GPC6: variants seen among roughly 807,000 people sequenced by gnomAD.
GPC6 encodes the protein glypican-6.
In GPC6, 14 loss-of-function variants were observed where a neutral mutation model predicts 55.2. The observed-to-expected ratio is 0.25, with a 90% CI of 0.17 to 0.40. The LOEUF is 0.40. GPC6 is among the 10% of genes least tolerant of loss of function. The pLI is 1.00. For synonymous variants in GPC6, 278 were observed against 259.6 expected, an observed-to-expected ratio of 1.07 and a Z score of -0.68; for missense variants, 641 against 708.5, an observed-to-expected ratio of 0.90 and a Z score of 1.08.
intron 4 of GPC6, among the ~76,000 whole-genome samples, chr13:94,053,437 G>A (rs778383805): frequency 2.0e-5 from 3 of 152,138 alleles, no homozygotes; most frequent in Non-Finnish European, 4.4e-5. Context: ...CCCAAAGGTA[G>A]TAATTGTTAA....
At chr13:93,560,328 C>G (rs1482531728) in intron 2 of GPC6, among the ~76,000 whole-genome samples, 2 of 138,834 alleles carry the variant, frequency 1.4e-5, no homozygotes, top group Non-Finnish European at 3.1e-5. Flanking sequence ...AACAACACAG[C>G]GAAACAGTAT....
chr13:93,829,471 A>T (rs920580972), intron 2 of GPC6, among the ~76,000 whole-genome samples: 6 of 152,182 alleles, frequency 3.9e-5, no homozygotes, highest in African/African-American at 1.4e-4. Flanking sequence ...AGAAAGTCCA[A>T]TTGTCAATAT....
chr13:94,255,917 C>G (rs1438729054), intron 4 of GPC6, among the ~76,000 whole-genome samples: 1 of 152,076 alleles, frequency 6.6e-6, no homozygotes, highest in Non-Finnish European at 1.5e-5. Context: ...AAGTGTGATC[C>G]CTGGACTGGC....
chr13:93,557,224 G>A (rs1457380959), intron 2 of GPC6, among the ~76,000 whole-genome samples: 1 of 151,932 alleles, frequency 6.6e-6, no homozygotes, highest in Non-Finnish European at 1.5e-5. Context: ...TGAGCATGAG[G>A]GAATTTCCTA....
chr13:94,061,364 G>C (rs1391746017), intron 4 of GPC6, among the ~76,000 whole-genome samples: 3 of 152,112 alleles, frequency 2.0e-5, no homozygotes, highest in Admixed American at 1.3e-4. Context: ...AACAAGACAA[G>C]AAAGCAGTTT....
At chr13:94,067,608 TA>T (rs1884571062) in intron 4 of GPC6, among the ~76,000 whole-genome samples, 2 of 151,402 alleles carry the variant, frequency 1.3e-5, no homozygotes, top group Non-Finnish European at 2.9e-5. Context: ...GATAGATAGA[TA>T]GATAGATAGA....
chr13:93,525,744 C>T (rs1055610821), intron 1 of GPC6, among the ~76,000 whole-genome samples: 1 of 152,060 alleles, frequency 6.6e-6, no homozygotes, highest in African/African-American at 2.4e-5. Context: ...CTAAGTTTCT[C>T]AGATGGTTAA....
chr13:93,839,288 C>T (rs57002007), intron 3 of GPC6, among the ~76,000 whole-genome samples: 5,246 of 152,144 alleles, frequency 0.034, 270 homozygotes, highest in East Asian at 0.17. Flanking sequence ...TAGGCTGTTA[C>T]TGTTTTGCCA....
At chr13:93,302,083 C>T (rs890484102) in intron 1 of GPC6, among the ~76,000 whole-genome samples, 6 of 152,270 alleles carry the variant, frequency 3.9e-5, no homozygotes, top group Admixed American at 6.5e-5. Context: ...TGTTTTAATA[C>T]ACAAAGTGTT....
chr13:93,830,034 A>T, intron 2 of GPC6, 120 bp from the exon 3 acceptor site: 1 of 672,804 alleles, frequency 1.5e-6, no homozygotes, highest in Non-Finnish European at 2.5e-6. Flanking sequence ...TTAACACCTT[A>T]ATCACAGGAT....
intron 3 of GPC6, among the ~76,000 whole-genome samples, chr13:93,861,097 C>G (rs570891495): frequency 7.9e-5 from 12 of 151,376 alleles, no homozygotes; most frequent in African/African-American, 2.9e-4. Flanking sequence ...CAGAGTAGAT[C>G]CGTGTAAACC....
rs564280685 is a variant in GPC6, at chr13:93,942,574, G to A, written c.712-85155G>A. ...TGGGCTCAAGCAATCCACCCACCTCGGCCTCCCAAAGGAGTGGGATTACAG... is the reference window on the plus strand; with the variant it reads ...TGGGCTCAAGCAATCCACCCACCTCAGCCTCCCAAAGGAGTGGGATTACAG... On this transcript the variant is annotated intron_variant, in intron 3 of 8. Transcript: ENST00000377047. Among the ~76,000 whole-genome samples the A allele has an allele frequency of 2.0e-5, 3 of 152,150 alleles. No homozygotes were observed. The South Asian group carries it at 6.2e-4, about 32-fold the overall frequency.
chr13:94,262,674 GAAA>G (rs60528347), intron 4 of GPC6, among the ~76,000 whole-genome samples: 1 of 84,204 alleles, frequency 1.2e-5, no homozygotes. Flanking sequence ...CTCCGTCTCA[GAAA>G]AAAAAAAAAA....
At chr13:93,600,092 T>G (rs72641657) in intron 2 of GPC6, among the ~76,000 whole-genome samples, 1,853 of 152,318 alleles carry the variant, frequency 0.012, 30 homozygotes, top group Non-Finnish European at 0.015. Context: ...CGCTTTCTCA[T>G]TCTTATAATA....
rs74680984 is a variant in GPC6, at chr13:94,126,547, T to C, written c.877+98653T>C. On this transcript the variant is annotated intron_variant, in intron 4 of 8. Transcript: ENST00000377047. ...GAACTGCCAATTTGTTTTCAAAGAGTTGAGGTTCTCTAAAATTAATTTCTG... is the reference window on the plus strand; with the variant it reads ...GAACTGCCAATTTGTTTTCAAAGAGCTGAGGTTCTCTAAAATTAATTTCTG... Among the ~76,000 whole-genome samples the C allele has an allele frequency of 1.1e-3, 165 of 152,242 alleles. 4 individuals are homozygous for C. The East Asian group carries it at 0.025, about 23-fold the overall frequency.
At chr13:93,780,563 T>C (rs1885607903) in intron 2 of GPC6, among the ~76,000 whole-genome samples, 1 of 150,364 alleles carries the variant, frequency 6.7e-6, no homozygotes, top group South Asian at 2.1e-4. Context: ...TAAATTAACC[T>C]TAATGACTTT....
intron 4 of GPC6, among the ~76,000 whole-genome samples, chr13:94,214,187 C>A (rs1429531549): frequency 6.6e-6 from 1 of 152,156 alleles, no homozygotes; most frequent in Non-Finnish European, 1.5e-5. Context: ...CCCTGTTAAA[C>A]CAAATTTAAT....
chr13:93,563,765 A>G (rs566354842), intron 2 of GPC6, among the ~76,000 whole-genome samples: 2,143 of 152,142 alleles, frequency 0.014, 44 homozygotes, highest in African/African-American at 0.048. Context: ...GAAAGAAAAA[A>G]AAAAAAAAGA....
intron 3 of GPC6, among the ~76,000 whole-genome samples, chr13:93,884,720 C>T (rs1482855171): frequency 2.0e-5 from 3 of 152,168 alleles, no homozygotes; most frequent in Admixed American, 6.6e-5. Context: ...TTAAACGTCC[C>T]TCCATACATA....
Sources: allele counts gnomAD v4.1 joint callset (sites outside exome capture counted in the v4.1 genomes callset), GRCh38; gene constraint gnomAD v4.1.1; transcripts MANE v1.5; gene names NCBI Gene and HGNC (gene_info 2026-07-23, HGNC 2026-07-21).